Variants in FBXW4 observed in about 807,000 individuals in gnomAD.
The protein encoded by FBXW4 is F-box/WD repeat-containing protein 4.
Under a neutral mutation model 61.8 loss-of-function variants are expected in FBXW4, and 40 were observed. The observed-to-expected ratio is 0.65, with a 90% CI of 0.50 to 0.84. The LOEUF (loss-of-function observed/expected upper bound fraction) is 0.84, where lower values mean the gene tolerates loss of function less well. Ranked by LOEUF, FBXW4 falls within the 40% of genes least tolerant of loss-of-function variation. The pLI is 0.00. For missense variants in FBXW4, 672 were observed against 753.8 expected (o/e 0.89, Z 1.27); for synonymous variants, 311 against 313.8 (o/e 0.99, Z 0.10).
chr10:101,653,369 T>C (rs2064159878), intron 5 of FBXW4, among the ~76,000 whole-genome samples: 1 of 152,172 alleles, frequency 6.6e-6, no homozygotes, highest in South Asian at 2.1e-4. Flanking sequence ...AAGTTCCCTA[T>C]TTTCCTCAAG....
Position 101,694,491 on chromosome 10 carries a change from G to A in FBXW4, c.615C>T (p.Arg205=). The A allele has an allele frequency of 6.6e-7, 1 of 1,524,124 alleles. No homozygotes were observed. The highest frequency in any genetic ancestry group is 8.7e-7 in the Non-Finnish European group (1 of 1,146,416). 94.4% of individuals were successfully genotyped at this position (1,524,124 alleles called of 1,614,324 possible). A position where few individuals can be genotyped will look rare whatever the true frequency, so the allele number is the denominator to read the frequency against. Residue 205 remains arginine (R), a synonymous_variant, in exon 1 of 9, where the codon CGC becomes CGT. Transcript: ENST00000331272. This position sits in a 1 kb window ranked among gnomAD's most constrained non-coding sequence, Gnocchi z 6.0. ...CSYLDMRALG[R]LAQVCRWLRR... ...GCAGCCAGCGGCACACCTGGGCCAG[G>A]CGGCCGAGGGCCCGCATGTCCAGGT...
chr10:101,611,506 G>A lies in FBXW4; in HGVS notation c.1585-96C>T. 1 of 1,570,188 alleles carries A rather than the reference G, an allele frequency of 6.4e-7. No homozygotes were observed. On this transcript the variant is annotated intron_variant, in intron 8 of 8. Coordinates refer to ENST00000331272, the MANE Select transcript of FBXW4 (RefSeq NM_022039.4). The surrounding 1 kb of genome is among the most constrained non-coding windows in gnomAD (Gnocchi z 4.9). ...CCCAGGCCCAGGGGAAGAGGGACGT[G>A]TGCCATTGTAGGCTTCTTCCAACCC...
At chr10:101,628,299 A>C (rs1267281025) in intron 5 of FBXW4, among the ~76,000 whole-genome samples, 1 of 152,232 alleles carries the variant, frequency 6.6e-6, no homozygotes, top group Non-Finnish European at 1.5e-5. Context: ...TCCAGGGACA[A>C]GGACATCAAA....
At chr10:101,620,840 TGGGGTTAATGAGATCTA>T (rs933610276) in intron 6 of FBXW4, among the ~76,000 whole-genome samples, 54 of 152,088 alleles carry the variant, frequency 3.6e-4, no homozygotes, top group Non-Finnish European at 4.4e-4. Context: ...ACCCAGTGTT[TGGGGTTAATGAGATCTA>T]GGGGTTTCAT....
intron 4 of FBXW4, among the ~76,000 whole-genome samples, chr10:101,669,260 T>C (rs1464417198): frequency 6.6e-6 from 1 of 152,166 alleles, no homozygotes; most frequent in Non-Finnish European, 1.5e-5. Flanking sequence ...AGTGCCATGA[T>C]TCTGGCCTAC....
intron 1 of FBXW4, among the ~76,000 whole-genome samples, chr10:101,678,782 AC>A (rs1484057915): frequency 6.6e-6 from 1 of 152,192 alleles, no homozygotes; most frequent in Non-Finnish European, 1.5e-5. Flanking sequence ...GCCAAATTTT[AC>A]TAAAAGCCAG....
chr10:101,624,857 TGTG>T (rs1564904822), intron 5 of FBXW4, 47 bp from the exon 6 acceptor site: 34 of 1,599,276 alleles, frequency 2.1e-5, no homozygotes, highest in Non-Finnish European at 2.9e-5. Flanking sequence ...TGTCAGAACC[TGTG>T]GTGGAAATGG....
chr10:101,648,676 TGAG>T (rs1034597099), intron 5 of FBXW4, among the ~76,000 whole-genome samples: 11 of 152,184 alleles, frequency 7.2e-5, no homozygotes, highest in African/African-American at 2.7e-4. Flanking sequence ...CCCCGGCCCA[TGAG>T]GAGAAGATCC....
intron 5 of FBXW4, among the ~76,000 whole-genome samples, chr10:101,638,831 C>CA (rs1244353008): frequency 2.0e-5 from 3 of 152,180 alleles, no homozygotes; most frequent in Non-Finnish European, 4.4e-5. Flanking sequence ...AGCCTGGGAA[C>CA]AGCTGCCTAT....
At chr10:101,666,951 G>A (rs1242498224) in intron 5 of FBXW4, among the ~76,000 whole-genome samples, 1 of 151,546 alleles carries the variant, frequency 6.6e-6, no homozygotes, top group Non-Finnish European at 1.5e-5. Flanking sequence ...CATTTCTAGG[G>A]CTGGGCACAG....
intron 5 of FBXW4, among the ~76,000 whole-genome samples, chr10:101,662,981 C>T (rs1321444840): frequency 6.6e-6 from 1 of 152,196 alleles, no homozygotes; most frequent in Non-Finnish European, 1.5e-5. Flanking sequence ...CAGGTCCCCA[C>T]AGAGCCTTTT....
intron 6 of FBXW4, among the ~76,000 whole-genome samples, chr10:101,618,538 A>T (rs1326222285): frequency 6.6e-6 from 1 of 152,018 alleles, no homozygotes; most frequent in Non-Finnish European, 1.5e-5. Flanking sequence ...GGGAGCTTTG[A>T]GGTGGAAGTG....
At chr10:101,621,376 AAGTT>A (rs950935853) in intron 6 of FBXW4, among the ~76,000 whole-genome samples, 30 of 152,136 alleles carry the variant, frequency 2.0e-4, no homozygotes, top group African/African-American at 6.8e-4. Context: ...AAAAATTTAA[AAGTT>A]AGCCAAGCAT....
intron 5 of FBXW4, among the ~76,000 whole-genome samples, chr10:101,643,455 C>T (rs1246796718): frequency 6.6e-6 from 1 of 152,244 alleles, no homozygotes; most frequent in Non-Finnish European, 1.5e-5. Flanking sequence ...AAGGCACACA[C>T]ACACATACAT....
intron 5 of FBXW4, among the ~76,000 whole-genome samples, chr10:101,633,551 C>G (rs1450689567): frequency 6.6e-6 from 1 of 152,094 alleles, no homozygotes; most frequent in African/African-American, 2.4e-5. Context: ...ACCTATGTAA[C>G]AAACCCGCAC....
chr10:101,675,847 C>T (rs1268187008), intron 2 of FBXW4, among the ~76,000 whole-genome samples: 1 of 152,202 alleles, frequency 6.6e-6, no homozygotes. Flanking sequence ...ACTCCTGTAA[C>T]ATATATATCC....
intron 5 of FBXW4, among the ~76,000 whole-genome samples, chr10:101,663,096 G>A (rs2064261720): frequency 6.6e-6 from 1 of 152,156 alleles, no homozygotes; most frequent in Non-Finnish European, 1.5e-5. Flanking sequence ...CTAGGGAACT[G>A]GGTACAAACT....
intron 1 of FBXW4, among the ~76,000 whole-genome samples, chr10:101,680,932 T>G (rs997164887): frequency 6.6e-6 from 1 of 152,226 alleles, no homozygotes; most frequent in African/African-American, 2.4e-5. Flanking sequence ...TGGAGGAGAA[T>G]AGTATACTAA....
At chr10:101,679,551 G>A (rs777504400) in intron 1 of FBXW4, among the ~76,000 whole-genome samples, 15 of 152,166 alleles carry the variant, frequency 9.9e-5, no homozygotes, top group Admixed American at 6.5e-5. Context: ...GTGCTATTGG[G>A]TTTGTATAGC....
Sources: gnomAD v4.1 joint callset for allele counts (sites outside exome capture counted in the v4.1 genomes callset) on GRCh38, gnomAD v4.1.1 for gene constraint, Gnocchi (gnomAD v3.1) non-coding constraint, MANE v1.5 for transcripts, NCBI Gene and HGNC (gene_info 2026-07-23, HGNC 2026-07-21) for gene names.